The following HOOK1 variants were observed in gnomAD, a reference collection of about 807,000 sequenced individuals.
HOOK1 encodes the protein hook microtubule tethering protein 1, also known as protein Hook homolog 1.
In HOOK1, 60 loss-of-function variants were observed where a neutral mutation model predicts 112.8. The observed-to-expected ratio is 0.53, with a 90% CI of 0.43 to 0.66. The LOEUF is 0.66. HOOK1 is among the 30% of genes least tolerant of loss of function. The probability of loss-of-function intolerance (pLI) is 0.00; values close to 1 mark genes in which losing one functional copy is unlikely to be tolerated. For synonymous variants in HOOK1, 294 were observed against 283.8 expected (o/e 1.04, Z -0.36); for missense variants, 770 against 856.0 (o/e 0.90, Z 1.25).
chr1:59,849,067 C>G lies in HOOK1; in HGVS notation c.1132-6C>G. On this transcript the variant is annotated splice_region_variant and splice_polypyrimidine_tract_variant and intron_variant, in intron 11 of 21. Transcript: ENST00000371208. ...GGACCTTTTTTCCTTTTGTTTCTGA[C>G]ATTAGGTTCAAGATCTTCATGTTAA... 6.3e-7 allele frequency: 1 copy of G among 1,582,260 alleles called. No individual in the cohort carries two copies. The highest frequency in any genetic ancestry group is 8.6e-7 in the Non-Finnish European group (1 of 1,157,304).
intron 9 of HOOK1, among the ~76,000 whole-genome samples, chr1:59,844,805 TG>T (rs552317290): frequency 6.0e-4 from 92 of 152,116 alleles, no homozygotes; most frequent in African/African-American, 2.1e-3. Context: ...CCAAGTATTT[TG>T]TTTTTGATGC....
In HOOK1 at chr1:59,843,507, G is replaced by T. The variant is rs2098402087; in HGVS notation, c.697G>T (p.Asp233Tyr). ...GATGAATGAAAAACTTGACCAGTTG[G>T]ATGGCTCTTTTGATGATCCAAACAC... ...EMMNEKLDQL[D>Y]GSFDDPNTVV... Residue 233 changes from aspartate to tyrosine, a missense_variant, in exon 9 of 22, where the codon GAT becomes TAT. Asp to Tyr is a radical substitution (Grantham distance 160). Around this residue, in one of 3 missense-constraint regions of HOOK1, gnomAD observed 655 missense variants for 725.9 expected, o/e 0.90. Coordinates refer to ENST00000371208, the MANE Select transcript of HOOK1 (RefSeq NM_015888.6). 1.2e-6 allele frequency: 2 copies of T among 1,610,358 alleles called. No individual in the cohort carries two copies. Among genetic ancestry groups the T allele is most frequent in the African/African-American group, 2.7e-5 (2 of 74,514 alleles).
At chr1:59,832,050 A>G in intron 3 of HOOK1, 113 bp from the exon 4 acceptor site, 1 of 584,182 alleles carries the variant, frequency 1.7e-6, no homozygotes, top group Non-Finnish European at 3.0e-6. Flanking sequence ...CTCTATTATA[A>G]TGTTTTTGTT....
intron 7 of HOOK1, among the ~76,000 whole-genome samples, chr1:59,839,095 C>A (rs1574193068): frequency 6.6e-6 from 1 of 152,180 alleles, no homozygotes. Context: ...GTTTTTGTTA[C>A]TGTAGCCTTG....
chr1:59,821,712 G>A, intron 1 of HOOK1, 146 bp from the exon 2 acceptor site: 1 of 562,778 alleles, frequency 1.8e-6, no homozygotes, highest in East Asian at 3.2e-5. Flanking sequence ...AGTTCCATTT[G>A]TTTGTCTGGG....
At chr1:59,828,733 T>C in intron 2 of HOOK1, 47 bp from the exon 3 acceptor site, 1 of 1,551,960 alleles carries the variant, frequency 6.4e-7, no homozygotes, top group South Asian at 1.1e-5. Flanking sequence ...ATTTTTTGTG[T>C]AATAAAAACA....
At chr1:59,838,208 C>A (rs1052043253) in intron 7 of HOOK1, among the ~76,000 whole-genome samples, 4 of 152,068 alleles carry the variant, frequency 2.6e-5, no homozygotes, top group African/African-American at 9.7e-5. Flanking sequence ...GGGTATATGC[C>A]CAGTAATGGG....
chr1:59,848,192 C>T, intron 10 of HOOK1, 123 bp from the exon 11 acceptor site: 1 of 650,896 alleles, frequency 1.5e-6, no homozygotes, highest in Non-Finnish European at 2.6e-6. Flanking sequence ...TCTTCTCACT[C>T]ACTCACATTT....
In HOOK1 at chr1:59,860,228, C is replaced by T. The variant is rs906964084; in HGVS notation, c.1432C>T (p.Arg478Cys). 5 of 1,607,338 alleles carry T rather than the reference C, an allele frequency of 3.1e-6. No homozygotes were observed. Among genetic ancestry groups the T allele is most frequent in the Non-Finnish European group, 4.2e-6 (5 of 1,176,490 alleles). ...ACTGCAACATGAAAATAAGATGCTT[C>T]GCTTACAGCAAGAAGGCTCTGAGAA... ...IRLQHENKML[R>C]LQQEGSENER... Residue 478 changes from arginine to cysteine, a missense_variant, in exon 15 of 22, where the codon CGC becomes TGC. By Grantham distance (180) the Arg-to-Cys change is radical. Transcript: ENST00000371208.
At chr1:59,844,031 G>A (rs2098402377) in intron 9 of HOOK1, among the ~76,000 whole-genome samples, 1 of 151,894 alleles carries the variant, frequency 6.6e-6, no homozygotes, top group South Asian at 2.1e-4. Flanking sequence ...AATAAACATT[G>A]ATTATCTTTT....
rs759178002 is a variant in HOOK1, at chr1:59,833,431, A to C, written c.300A>C (p.Ala100=). The C allele has an allele frequency of 6.4e-7, 1 of 1,559,020 alleles. No homozygotes were observed. ...TTTTGGGGCAGCAGATTTCAGAAGC[A>C]CTTATCCCTGATTTAAACCAAATAA... ...HEFLGQQISE[A]LIPDLNQITE... Residue 100 remains alanine (A), a synonymous_variant, in exon 5 of 22, where the codon GCA becomes GCC. Coordinates refer to ENST00000371208, the MANE Select transcript of HOOK1 (RefSeq NM_015888.6).
chr1:59,862,259 C>T (rs1193422036), intron 15 of HOOK1, among the ~76,000 whole-genome samples: 1 of 152,104 alleles, frequency 6.6e-6, no homozygotes, highest in African/African-American at 2.4e-5. Flanking sequence ...CTAGTAACTT[C>T]CAGTGGAAGT....
chr1:59,848,506 A>G lies in HOOK1; in HGVS notation c.1121A>G (p.Tyr374Cys). 6.2e-7 allele frequency: 1 copy of G among 1,604,694 alleles called. No homozygotes were observed. Among genetic ancestry groups the G allele is most frequent in the Non-Finnish European group, 8.5e-7 (1 of 1,173,922 alleles). Residue 374 changes from tyrosine (Y) to cysteine (C), a missense_variant, in exon 11 of 22, where the codon TAC becomes TGC. Physicochemically the swap from Tyr to Cys is radical, Grantham distance 194 (BLOSUM62 -2). Around this residue, in one of 3 missense-constraint regions of HOOK1, gnomAD observed 655 missense variants for 725.9 expected, o/e 0.90. Transcript: ENST00000371208. The part of the protein sequence containing the change: ...ANAARTQLET[Y>C]KRQVQDLHVK... Reference sequence around the variant, plus strand: ...GCAGCACGTACACAATTAGAAACATACAAAAGGCAGGTAAGAAACATCTTA... The same window carrying G: ...GCAGCACGTACACAATTAGAAACATGCAAAAGGCAGGTAAGAAACATCTTA...
At chr1:59,816,152 A>G (rs1388378883) in intron 1 of HOOK1, among the ~76,000 whole-genome samples, 2 of 152,212 alleles carry the variant, frequency 1.3e-5, no homozygotes, top group African/African-American at 4.8e-5. Context: ...CGGGATCAGG[A>G]GGCTGTAATC....
At chr1:59,869,282 C>G (rs1644016979) in intron 20 of HOOK1, among the ~76,000 whole-genome samples, 1 of 151,948 alleles carries the variant, frequency 6.6e-6, no homozygotes, top group African/African-American at 2.4e-5. Context: ...ACCTCCGCCT[C>G]CCAGGTTCAA....
intron 12 of HOOK1, among the ~76,000 whole-genome samples, chr1:59,851,643 A>T (rs2098407195): frequency 6.6e-6 from 1 of 151,558 alleles, no homozygotes. Context: ...AATTCTGATA[A>T]TTTTTATTTT....
rs148381034 is a variant in HOOK1, at chr1:59,872,903, C to T, written c.2125C>T (p.Arg709Trp). 1.2e-5 allele frequency: 18 copies of T among 1,523,992 alleles called. No individual in the cohort carries two copies. The highest frequency in any genetic ancestry group is 4.0e-5 in the Admixed American group (2 of 49,724). 94.4% of individuals were successfully genotyped at this position (1,523,992 alleles called of 1,614,324 possible). ...TGCGCGGTCTTTCTTAGCGCAGCAA[C>T]GGCACATCACCAACACCAGAAGAAA... ...TPARSFLAQQ[R>W]HITNTRRNLS... The change falls in exon 22 of 22, where the codon CGG (arginine) becomes TGG (tryptophan). Residue 709 changes from arginine (R) to tryptophan (W), a missense_variant. By Grantham distance (101) the Arg-to-Trp change is moderately radical (BLOSUM62 -3). Coordinates refer to ENST00000371208, the MANE Select transcript of HOOK1 (RefSeq NM_015888.6).
chr1:59,838,687 A>G (rs1441516609), intron 7 of HOOK1, among the ~76,000 whole-genome samples: 3 of 152,142 alleles, frequency 2.0e-5, no homozygotes, highest in Non-Finnish European at 4.4e-5. Context: ...TGCTGTGCAG[A>G]AGCTCTTTAG....
intron 19 of HOOK1, among the ~76,000 whole-genome samples, chr1:59,867,501 TTAAA>T (rs1643987751): frequency 2.0e-5 from 3 of 152,292 alleles, no homozygotes; most frequent in African/African-American, 7.2e-5. Context: ...TCCTAACTCA[TTAAA>T]TAATTTTAAA....
Sources: gnomAD v4.1 joint callset for allele counts (sites outside exome capture counted in the v4.1 genomes callset) on GRCh38, gnomAD v4.1.1 for gene constraint, gnomAD v4.1.1 regional missense constraint, MANE v1.5 for transcripts, NCBI Gene and HGNC (gene_info 2026-07-23, HGNC 2026-07-21) for gene names.